The following TIAM2 variants were observed in gnomAD, a reference collection of about 807,000 sequenced individuals.
TIAM2 encodes the protein TIAM Rac1 associated GEF 2, also known as rho guanine nucleotide exchange factor TIAM2.
TIAM2 carries 80 observed loss-of-function variants against 152.9 expected under a neutral mutation model. That is an observed-to-expected ratio of 0.52 (90% CI 0.44 to 0.63). The LOEUF is 0.63. TIAM2 is among the 30% of genes least tolerant of loss of function. TIAM2 has a pLI of 0.00. For missense variants in TIAM2, 1,965 were observed against 2,120.1 expected (o/e 0.93, Z 1.44); for synonymous variants, 804 against 838.0 (o/e 0.96, Z 0.70).
intron 2 of TIAM2, among the ~76,000 whole-genome samples, chr6:155,091,923 C>T (rs944353265): frequency 1.3e-5 from 2 of 152,062 alleles, no homozygotes; most frequent in Non-Finnish European, 2.9e-5. Flanking sequence ...TTTGAGACAG[C>T]GACGCGCTCT....
intron 1 of TIAM2, among the ~76,000 whole-genome samples, chr6:155,082,872 G>C (rs960520987): frequency 1.3e-5 from 2 of 152,208 alleles, no homozygotes; most frequent in South Asian, 4.1e-4. Flanking sequence ...GGTTCTGACA[G>C]ATGGTGAGGG....
At chr6:155,205,669 G>T (rs186312400) in intron 14 of TIAM2, among the ~76,000 whole-genome samples, 1 of 152,212 alleles carries the variant, frequency 6.6e-6, no homozygotes, top group Non-Finnish European at 1.5e-5. Context: ...TGCCTGAGGA[G>T]AGTCAGGCTT....
intron 15 of TIAM2, among the ~76,000 whole-genome samples, chr6:155,231,840 C>T (rs780792094): frequency 9.2e-5 from 14 of 152,190 alleles, no homozygotes; most frequent in East Asian, 1.9e-4. Flanking sequence ...TTTGGGAGGA[C>T]GTGGCAGGTG....
At chr6:155,059,282 C>CTGTTTGTGTG (rs1777514598) in intron 1 of TIAM2, among the ~76,000 whole-genome samples, 1 of 144,104 alleles carries the variant, frequency 6.9e-6, no homozygotes, top group Admixed American at 7.0e-5. Flanking sequence ...ATGTCCCTTT[C>CTGTTTGTGTG]TGTGTGTGTG....
At chr6:155,104,899 ATCTG>A (rs1242907188) in intron 2 of TIAM2, among the ~76,000 whole-genome samples, 1 of 152,218 alleles carries the variant, frequency 6.6e-6, no homozygotes, top group Middle Eastern at 3.2e-3. Flanking sequence ...TTAAAGGCTT[ATCTG>A]TCTATGGTAG....
At chr6:155,007,981 T>C (rs574261810) in intron 1 of TIAM2, among the ~76,000 whole-genome samples, 3 of 152,184 alleles carry the variant, frequency 2.0e-5, no homozygotes, top group South Asian at 4.1e-4. Context: ...AGGCGTGGAG[T>C]GTACAGAGTT....
chr6:155,113,012 C>T (rs1778895067), intron 2 of TIAM2, among the ~76,000 whole-genome samples: 1 of 152,138 alleles, frequency 6.6e-6, no homozygotes, highest in East Asian at 1.9e-4. Context: ...CACACAGCAG[C>T]TACACAGATC....
Position 155,132,693 on chromosome 6 carries a change from C to T in TIAM2, c.1194+2276C>T, listed in dbSNP as rs955760780. On this transcript the variant is annotated intron_variant, in intron 4 of 26. Transcript: ENST00000682666. ...TGAAGTCCCAGGTGGACAACGTCCA[C>T]GCCTTTTTGATTCAAGTGTTATGGT... Among the ~76,000 whole-genome samples, 44 of 152,344 alleles carry T rather than the reference C, an allele frequency of 2.9e-4. 1 individual carries two copies. The highest frequency in any genetic ancestry group is 2.2e-3 in the Admixed American group (33 of 15,302).
intron 1 of TIAM2, among the ~76,000 whole-genome samples, chr6:155,033,639 C>T (rs1237009995): frequency 1.3e-5 from 2 of 151,850 alleles, no homozygotes; most frequent in East Asian, 1.9e-4. Flanking sequence ...TCTTCAGAGC[C>T]GCCCTGCCTG....
intron 1 of TIAM2, among the ~76,000 whole-genome samples, chr6:155,017,795 G>T (rs982823036): frequency 6.6e-6 from 1 of 152,012 alleles, no homozygotes; most frequent in African/African-American, 2.4e-5. Context: ...GAGCCACCAC[G>T]CCTGACTCTC....
At position 155,129,123 on chromosome 6, in the gene TIAM2, C is replaced by G; in HGVS notation, c.-6-95C>G. On this transcript the variant is annotated intron_variant, in intron 3 of 26. Transcript: ENST00000682666. This position sits in a 1 kb window ranked among gnomAD's most constrained non-coding sequence, Gnocchi z 4.8. Reference sequence around the variant, plus strand: ...TGAGTCCTTCCAGGCACTGAAGTTGCTGTGTAATATGCAGGGCATTCTTTT... The same window carrying G: ...TGAGTCCTTCCAGGCACTGAAGTTGGTGTGTAATATGCAGGGCATTCTTTT... The G allele has an allele frequency of 8.8e-7, 1 of 1,140,118 alleles. No individual in the cohort carries two copies. The allele number at this position is 1,140,118 out of a possible 1,614,324, so 70.6% of individuals were successfully genotyped here.
chr6:155,000,633 A>G (rs1417409745), intron 1 of TIAM2, among the ~76,000 whole-genome samples: 1 of 151,984 alleles, frequency 6.6e-6, no homozygotes, highest in Admixed American at 6.6e-5. Flanking sequence ...ACATTAAGTG[A>G]CACAAAAGCA....
chr6:155,112,470 C>G (rs1176367976), intron 2 of TIAM2, among the ~76,000 whole-genome samples: 2 of 152,128 alleles, frequency 1.3e-5, no homozygotes, highest in Admixed American at 1.3e-4. Flanking sequence ...CCCCTTCTGT[C>G]TCCATTATGG....
chr6:155,005,917 T>C (rs1194249761), intron 1 of TIAM2, among the ~76,000 whole-genome samples: 3 of 152,258 alleles, frequency 2.0e-5, no homozygotes, highest in Admixed American at 2.0e-4. Flanking sequence ...CCCAAAGTGC[T>C]GGCATCACAG....
intron 15 of TIAM2, among the ~76,000 whole-genome samples, chr6:155,216,410 A>G (rs1323939251): frequency 6.6e-6 from 1 of 152,206 alleles, no homozygotes; most frequent in Non-Finnish European, 1.5e-5. Flanking sequence ...TGAAAATCAA[A>G]TGAAGCCTGG....
intron 2 of TIAM2, among the ~76,000 whole-genome samples, chr6:155,111,205 A>T (rs1396729002): frequency 6.6e-6 from 1 of 152,160 alleles, no homozygotes; most frequent in Non-Finnish European, 1.5e-5. Flanking sequence ...GAAGCTTTAT[A>T]CACAGACACA....
chr6:155,020,140 T>TC (rs1364818801), intron 1 of TIAM2, among the ~76,000 whole-genome samples: 1 of 152,160 alleles, frequency 6.6e-6, no homozygotes, highest in African/African-American at 2.4e-5. Flanking sequence ...TATCATCACT[T>TC]CCCGGCTGTG....
intron 1 of TIAM2, among the ~76,000 whole-genome samples, chr6:155,012,415 G>A (rs1024365704): frequency 6.6e-6 from 1 of 151,888 alleles, no homozygotes; most frequent in African/African-American, 2.4e-5. Context: ...TTTGTGTTGG[G>A]TGGAGTGAGG....
intron 14 of TIAM2, among the ~76,000 whole-genome samples, chr6:155,185,489 CTTTTATTTATTT>C (rs71023630): frequency 5.8e-5 from 8 of 137,136 alleles, no homozygotes; most frequent in Non-Finnish European, 1.1e-4. Flanking sequence ...AGTTAAGCCA[CTTTTATTTATTT>C]ATTTATTTAT....
Sources: allele counts gnomAD v4.1 joint callset (sites outside exome capture counted in the v4.1 genomes callset), GRCh38; gene constraint gnomAD v4.1.1; non-coding constraint Gnocchi (gnomAD v3.1); transcripts MANE v1.5; gene names NCBI Gene and HGNC (gene_info 2026-07-23, HGNC 2026-07-21).